ACCSL: variants seen among roughly 807,000 people sequenced by gnomAD.
The protein encoded by ACCSL is probable inactive 1-aminocyclopropane-1-carboxylate synthase-like protein 2.
A neutral mutation model predicts 61.7 loss-of-function variants in ACCSL; 55 were observed. The observed-to-expected ratio is 0.89, with a 90% CI of 0.72 to 1.12. ACCSL has a LOEUF of 1.12. Ranked by LOEUF, ACCSL falls within the 50% of genes most tolerant of loss-of-function variation. The probability of loss-of-function intolerance (pLI) is 0.00; values close to 1 mark genes in which losing one functional copy is unlikely to be tolerated. For synonymous variants in ACCSL, 258 were observed against 264.3 expected (o/e 0.98, Z 0.23); for missense variants, 632 against 698.0 (o/e 0.91, Z 1.07).
chr11:43,974,983 A>C, the ACCSL span, among the ~76,000 whole-genome samples: 2 of 152,244 alleles, frequency 1.3e-5, no homozygotes, highest in African/African-American at 4.8e-5. Context: ...TTTGCTATGC[A>C]GCAATAAAGG....
chr11:44,055,702 A>C (rs1952667033), intron 9 of ACCSL, among the ~76,000 whole-genome samples: 1 of 152,260 alleles, frequency 6.6e-6, no homozygotes, highest in Admixed American at 6.5e-5. Context: ...AAGGTGGAGC[A>C]GTAGGAAATA....
the ACCSL span, among the ~76,000 whole-genome samples, chr11:44,005,639 A>T: frequency 2.1e-4 from 32 of 151,986 alleles, no homozygotes; most frequent in African/African-American, 7.7e-4. Flanking sequence ...GTCTCACAGG[A>T]ACACCAACTC....
the ACCSL span, among the ~76,000 whole-genome samples, chr11:44,022,493 A>G: frequency 0.55 from 82,951 of 151,926 alleles, 22,963 homozygotes; most frequent in Admixed American, 0.6. Flanking sequence ...GAATTCATTT[A>G]TCAGATCTAT....
the ACCSL span, among the ~76,000 whole-genome samples, chr11:43,973,454 CTA>C: frequency 4.2e-5 from 6 of 141,824 alleles, no homozygotes; most frequent in South Asian, 8.7e-4. Context: ...ATCTATCTAT[CTA>C]TCTATCTCCT....
the ACCSL span, among the ~76,000 whole-genome samples, chr11:43,948,678 G>GACCA: frequency 6.6e-6 from 1 of 151,906 alleles, no homozygotes; most frequent in African/African-American, 2.4e-5. Flanking sequence ...CTCCCTATAT[G>GACCA]GCACAGGCTG....
the ACCSL span, among the ~76,000 whole-genome samples, chr11:43,924,469 G>A: frequency 1.2e-4 from 18 of 152,328 alleles, no homozygotes; most frequent in Non-Finnish European, 2.1e-4. Flanking sequence ...TGAGGGCCTT[G>A]TGACCGTGTT....
the ACCSL span, among the ~76,000 whole-genome samples, chr11:44,027,056 A>T: frequency 6.6e-6 from 1 of 152,274 alleles, no homozygotes; most frequent in Admixed American, 6.5e-5. Flanking sequence ...TATATTCTTT[A>T]TCATGCGTGA....
the ACCSL span, among the ~76,000 whole-genome samples, chr11:43,992,400 C>G: frequency 6.6e-6 from 1 of 152,200 alleles, no homozygotes; most frequent in South Asian, 2.1e-4. Context: ...GATAGTCTTT[C>G]CAGCCTCTCA....
At chr11:44,016,520 G>T in the ACCSL span, among the ~76,000 whole-genome samples, 9 of 152,210 alleles carry the variant, frequency 5.9e-5, no homozygotes, top group African/African-American at 2.2e-4. Context: ...GGGAAACAAG[G>T]CCCCTGTATC....
the ACCSL span, among the ~76,000 whole-genome samples, chr11:43,983,464 G>A: frequency 0.02 from 2,972 of 152,244 alleles, 101 homozygotes; most frequent in African/African-American, 0.068. Flanking sequence ...CCAGCCACGG[G>A]TTATACCTGA....
the ACCSL span, among the ~76,000 whole-genome samples, chr11:43,936,843 T>A: frequency 6.6e-6 from 1 of 152,082 alleles, no homozygotes; most frequent in South Asian, 2.1e-4. Flanking sequence ...CTAGGCAGTA[T>A]GGGAGCTCGG....
chr11:43,997,736 G>A, the ACCSL span, among the ~76,000 whole-genome samples: 1 of 152,182 alleles, frequency 6.6e-6, no homozygotes, highest in Non-Finnish European at 1.5e-5. Flanking sequence ...CCAACCAATA[G>A]TGACAAAAAC....
At chr11:43,943,635 C>T in the ACCSL span, 1 of 1,305,744 alleles carries the variant, frequency 7.7e-7, no homozygotes, top group East Asian at 5.5e-5. This position sits in a 1 kb window ranked among gnomAD's most constrained non-coding sequence, Gnocchi z 4.8. Context: ...ATTTTGCACA[C>T]CGCTCCACCG....
chr11:44,019,783 GTAA>G, the ACCSL span, among the ~76,000 whole-genome samples: 1 of 152,064 alleles, frequency 6.6e-6, no homozygotes, highest in Admixed American at 6.6e-5. Context: ...TTTTTCTTTT[GTAA>G]ATTGTACTTT....
Position 44,048,292 on chromosome 11 carries a change from G to T in ACCSL, c.256G>T (p.Ala86Ser), listed in dbSNP as rs1451615718. The T allele has an allele frequency of 6.2e-7, 1 of 1,614,140 alleles. No individual in the cohort carries two copies. The highest frequency in any genetic ancestry group is 8.5e-7 in the Non-Finnish European group (1 of 1,180,028). Reference sequence around the variant, plus strand: ...GATGATCAACCTCCTACAGTCTGGGGCCGCGAGTGGCCTGGAGCTCCAAGT... The same window carrying T: ...GATGATCAACCTCCTACAGTCTGGGTCCGCGAGTGGCCTGGAGCTCCAAGT... ...CRMINLLQSG[A>S]ASGLELQVPL... The change falls in exon 1 of 14, where the codon GCC becomes TCC. Residue 86 changes from alanine (A) to serine (S), a missense_variant. Coordinates refer to ENST00000378832, the MANE Select transcript of ACCSL (RefSeq NM_001031854.2).
At chr11:43,953,383 G>A in the ACCSL span, among the ~76,000 whole-genome samples, 9 of 146,610 alleles carry the variant, frequency 6.1e-5, no homozygotes, top group African/African-American at 1.7e-4. Flanking sequence ...TTGGCCAGGC[G>A]TGTGGTGGGT....
the ACCSL span, chr11:43,943,289 G>T: frequency 6.8e-7 from 1 of 1,473,212 alleles, no homozygotes; most frequent in Non-Finnish European, 9.0e-7. This position sits in a 1 kb window ranked among gnomAD's most constrained non-coding sequence, Gnocchi z 4.8. Flanking sequence ...GCCGCCCGCG[G>T]GGGGGACGCG....
chr11:44,059,336 A>G (rs984300007), intron 13 of ACCSL, among the ~76,000 whole-genome samples: 10 of 152,250 alleles, frequency 6.6e-5, no homozygotes, highest in African/African-American at 2.4e-4. Context: ...GCAGATGACC[A>G]TGGAAGTCCC....
At chr11:43,991,826 C>T in the ACCSL span, among the ~76,000 whole-genome samples, 1 of 151,942 alleles carries the variant, frequency 6.6e-6, no homozygotes. Context: ...CCGCACCTCC[C>T]CCAAAGCCCA....
Sources: gnomAD v4.1 joint callset for allele counts (sites outside exome capture counted in the v4.1 genomes callset) on GRCh38, gnomAD v4.1.1 for gene constraint, Gnocchi (gnomAD v3.1) non-coding constraint, MANE v1.5 for transcripts, NCBI Gene and HGNC (gene_info 2026-07-23, HGNC 2026-07-21) for gene names.